Variants in BFSP2 observed in about 807,000 individuals in gnomAD.
BFSP2 encodes phakinin.
Under a neutral mutation model 44.9 loss-of-function variants are expected in BFSP2, and 38 were observed. The ratio of observed to expected loss-of-function variants is 0.85; its 90% CI spans 0.65 to 1.11. The LOEUF (loss-of-function observed/expected upper bound fraction) is 1.11, where lower values mean the gene tolerates loss of function less well. Ranked by LOEUF, BFSP2 falls within the 50% of genes least tolerant of loss-of-function variation. The pLI is 0.00. For missense variants in BFSP2, 525 were observed against 533.0 expected (o/e 0.99, Z 0.15); for synonymous variants, 197 against 209.9 (o/e 0.94, Z 0.53).
intron 1 of BFSP2, among the ~76,000 whole-genome samples, chr3:133,406,651 T>C (rs2073407217): frequency 6.6e-6 from 1 of 152,192 alleles, no homozygotes; most frequent in African/African-American, 2.4e-5. Context: ...ATTAGAGACT[T>C]CCTTTGACAT....
At chr3:133,431,753 A>C (rs894690352) in intron 1 of BFSP2, among the ~76,000 whole-genome samples, 1 of 152,078 alleles carries the variant, frequency 6.6e-6, no homozygotes, top group Non-Finnish European at 1.5e-5. Flanking sequence ...CCTTGCCTCC[A>C]TAACTGTTGT....
chr3:133,423,979 T>C (rs2107896428), intron 1 of BFSP2, among the ~76,000 whole-genome samples: 1 of 152,082 alleles, frequency 6.6e-6, no homozygotes, highest in South Asian at 2.1e-4. Flanking sequence ...ACCATAAAAT[T>C]TCATTTTCCC....
At chr3:133,451,110 CAA>C (rs55964213) in intron 4 of BFSP2, among the ~76,000 whole-genome samples, 1 of 95,068 alleles carries the variant, frequency 1.1e-5, no homozygotes, top group Non-Finnish European at 1.9e-5. Flanking sequence ...GACTCTGTCT[CAA>C]AAAAAAAAAA....
At chr3:133,450,600 A>G in intron 4 of BFSP2, 136 bp downstream of exon 4, 1 of 1,027,578 alleles carries the variant, frequency 9.7e-7, no homozygotes, top group Non-Finnish European at 1.4e-6. Flanking sequence ...AACAGAAGAA[A>G]TGAAAATTAA....
rs112772093 is a variant in BFSP2 at position 133,424,212 on chromosome 3, A to ATTTT, written c.490-23079_490-23076dup. 1.1e-4 allele frequency among the ~76,000 whole-genome samples: 7 copies of ATTTT among 64,716 alleles called. No individual in the cohort carries two copies. In the East Asian group the frequency reaches 3.4e-3, roughly 32 times the overall value. The allele number at this position is 64,716 out of a possible 152,430, so 42.5% of individuals were successfully genotyped here. On this transcript the variant is annotated intron_variant, in intron 1 of 6. Transcript: ENST00000302334. ...AGGCGCCTACCACCGCGTCCAGCTA[A>ATTTT]TTTTTTTTTTTTTTTTTTTTTTTTT... is the stretch of plus-strand genomic sequence containing the variant.
At chr3:133,450,498 C>A in intron 4 of BFSP2, 34 bp downstream of exon 4, 1 of 1,612,950 alleles carries the variant, frequency 6.2e-7, no homozygotes, top group South Asian at 1.1e-5. Context: ...CCACTCTGCC[C>A]TATGCAGAAG....
intron 1 of BFSP2, among the ~76,000 whole-genome samples, chr3:133,414,429 ATACTCACCCCTGCCCTCTCCCCTC>A (rs2073488333): frequency 1.0e-4 from 1 of 9,694 alleles, no homozygotes. Context: ...ACTTACCCCT[ATACTCACCCCTGCCCTCTCCCCTC>A]TACTCACCCC....
chr3:133,441,703 G>C (rs1029864435), intron 1 of BFSP2, among the ~76,000 whole-genome samples: 5 of 152,124 alleles, frequency 3.3e-5, no homozygotes, highest in Non-Finnish European at 7.3e-5. Context: ...ACTGTGCTAG[G>C]GATGGAACAA....
At chr3:133,402,641 TTC>T (rs1468039655) in intron 1 of BFSP2, among the ~76,000 whole-genome samples, 1 of 150,492 alleles carries the variant, frequency 6.6e-6, no homozygotes, top group Non-Finnish European at 1.5e-5. Context: ...GAGTTATTAT[TTC>T]TTTTTTTTTT....
At chr3:133,403,736 C>G (rs901972479) in intron 1 of BFSP2, among the ~76,000 whole-genome samples, 1 of 152,152 alleles carries the variant, frequency 6.6e-6, no homozygotes, top group African/African-American at 2.4e-5. Flanking sequence ...CTGCCATCAC[C>G]ACCCCAGCTA....
At chr3:133,471,017 C>T (rs2074157362) in intron 5 of BFSP2, among the ~76,000 whole-genome samples, 1 of 152,092 alleles carries the variant, frequency 6.6e-6, no homozygotes, top group Non-Finnish European at 1.5e-5. Context: ...GAGGAAAGAA[C>T]ACAGACCAAA....
intron 5 of BFSP2, among the ~76,000 whole-genome samples, chr3:133,467,861 C>T (rs564502588): frequency 2.6e-5 from 4 of 152,110 alleles, no homozygotes; most frequent in African/African-American, 7.2e-5. Context: ...GATGTAGGTC[C>T]GTGCAAGCAT....
At chr3:133,405,144 A>C (rs949442255) in intron 1 of BFSP2, among the ~76,000 whole-genome samples, 1 of 152,212 alleles carries the variant, frequency 6.6e-6, no homozygotes, top group Non-Finnish European at 1.5e-5. Flanking sequence ...ACCAGGTGTC[A>C]AAACAAAAGG....
chr3:133,434,479 G>A lies in BFSP2; in HGVS notation c.490-12838G>A, dbSNP rs183525907. Among the ~76,000 whole-genome samples the A allele has an allele frequency of 3.7e-3, 558 of 151,678 alleles. 1 individual carries two copies. The highest frequency in any genetic ancestry group is 6.2e-3 in the Non-Finnish European group (419 of 67,938). On this transcript the variant is annotated intron_variant, in intron 1 of 6. Coordinates refer to ENST00000302334, the MANE Select transcript of BFSP2 (RefSeq NM_003571.4). ...ATACCACCCCCCAAAAATTTTCGCC[G>A]CCCCAACACTTCAACACCATTTTAT...
chr3:133,431,557 C>T (rs548959591), intron 1 of BFSP2, among the ~76,000 whole-genome samples: 31 of 152,318 alleles, frequency 2.0e-4, no homozygotes, highest in Admixed American at 5.9e-4. Context: ...TGGCCCGAGG[C>T]TCTCTGACTG....
At chr3:133,420,558 C>T (rs1043016630) in intron 1 of BFSP2, among the ~76,000 whole-genome samples, 16 of 152,110 alleles carry the variant, frequency 1.1e-4, no homozygotes, top group East Asian at 5.8e-4. Context: ...TGTAAACGCT[C>T]GTGCATAGGT....
In BFSP2 at chr3:133,450,709, T is replaced by C. The variant is rs541472387; in HGVS notation, c.891+245T>C. On this transcript the variant is annotated intron_variant, in intron 4 of 6. Coordinates refer to ENST00000302334, the MANE Select transcript of BFSP2 (RefSeq NM_003571.4). ...AGAAGTAGGTTCTCTACTGTATTAC[T>C]GAAGAGCATAAACTAGTGCACTGCC... Among the ~76,000 whole-genome samples, 5 of 152,368 alleles carry C rather than the reference T, an allele frequency of 3.3e-5. No homozygotes were observed. The South Asian group carries it at 1.0e-3, about 32-fold the overall frequency.
intron 1 of BFSP2, among the ~76,000 whole-genome samples, chr3:133,433,584 G>C (rs1015626460): frequency 1.3e-5 from 2 of 152,176 alleles, no homozygotes; most frequent in African/African-American, 4.8e-5. Context: ...TGGATAGGTA[G>C]AGTCCTTTCC....
At chr3:133,425,787 AGGG>A (rs1198028684) in intron 1 of BFSP2, among the ~76,000 whole-genome samples, 1 of 127,380 alleles carries the variant, frequency 7.9e-6, no homozygotes, top group Non-Finnish European at 1.5e-5. Flanking sequence ...GGGAAAGGGA[AGGG>A]AAGGGAAGGG....
Sources: gnomAD v4.1 joint callset for allele counts (sites outside exome capture counted in the v4.1 genomes callset) on GRCh38, gnomAD v4.1.1 for gene constraint, MANE v1.5 for transcripts, NCBI Gene and HGNC (gene_info 2026-07-23, HGNC 2026-07-21) for gene names.